Variants in GEMIN5 observed in about 807,000 individuals in gnomAD.
GEMIN5 encodes gem-associated protein 5.
In GEMIN5, 124 loss-of-function variants were observed where a neutral mutation model predicts 176.9. That is an observed-to-expected ratio of 0.70 (90% CI 0.61 to 0.81). The LOEUF is 0.81. GEMIN5 is among the 40% of genes least tolerant of loss of function. The probability of loss-of-function intolerance (pLI) is 0.00; values close to 1 mark genes in which losing one functional copy is unlikely to be tolerated. For synonymous variants in GEMIN5, 673 were observed against 665.2 expected, an observed-to-expected ratio of 1.01 and a Z score of -0.18; for missense variants, 1,843 against 1,814.6, an observed-to-expected ratio of 1.02 and a Z score of -0.28.
intron 7 of GEMIN5, among the ~76,000 whole-genome samples, chr5:154,926,458 G>C (rs1333120493): frequency 3.3e-5 from 5 of 152,028 alleles, no homozygotes; most frequent in Non-Finnish European, 4.4e-5. Context: ...CTCTCAAAAG[G>C]CAAAACACCT....
chr5:154,919,225 G>A (rs1011245139), intron 11 of GEMIN5, among the ~76,000 whole-genome samples: 24 of 151,990 alleles, frequency 1.6e-4, no homozygotes, highest in African/African-American at 5.6e-4. Context: ...CAGATACTTG[G>A]GAGGCTGAGG....
intron 1 of GEMIN5, 122 bp from the exon 2 acceptor site, chr5:154,937,307 GA>G: frequency 1.3e-6 from 1 of 782,138 alleles, no homozygotes; most frequent in African/African-American, 1.7e-5. Context: ...TGGTATAACT[GA>G]AACACCGACG....
intron 15 of GEMIN5, among the ~76,000 whole-genome samples, chr5:154,909,326 T>G (rs1338286648): frequency 6.6e-6 from 1 of 151,862 alleles, no homozygotes; most frequent in Non-Finnish European, 1.5e-5. Flanking sequence ...AGGAAGAGCT[T>G]GGCATCTAGT....
At chr5:154,892,781 C>A in intron 24 of GEMIN5, 1 of 484,134 alleles carries the variant, frequency 2.1e-6, no homozygotes, top group South Asian at 3.0e-5. Context: ...ACTGAGAAAA[C>A]ACCTTTACAT....
intron 11 of GEMIN5, 146 bp downstream of exon 11, chr5:154,919,821 T>C (rs1763885846): frequency 3.2e-6 from 2 of 631,102 alleles, no homozygotes; most frequent in African/African-American, 1.9e-5. Context: ...ACTCACAAAT[T>C]CATGCACAGC....
intron 21 of GEMIN5, among the ~76,000 whole-genome samples, chr5:154,900,071 C>T (rs769884721): frequency 3.9e-5 from 6 of 152,126 alleles, no homozygotes; most frequent in Non-Finnish European, 7.3e-5. Context: ...TGATAAAATG[C>T]GAGTTTTCTA....
In GEMIN5 at chr5:154,901,483, C is replaced by T; in HGVS notation, c.2870G>A (p.Gly957Asp). The change falls in exon 21 of 28, where the codon GGC becomes GAC. Residue 957 changes from glycine to aspartate, a missense_variant. Gly to Asp is a moderately conservative substitution (Grantham distance 94, BLOSUM62 -1). Coordinates refer to ENST00000285873, the MANE Select transcript of GEMIN5 (RefSeq NM_015465.5). Reference protein sequence around the residue: ...DNLVAMAPAAGYHVWLWAVEA... With the variant: ...DNLVAMAPAADYHVWLWAVEA... The stretch of plus-strand genomic sequence containing the variant: ...CACAGCCCATAGCCACACATGGTAG[C>T]CAGCTGAAAAAATAAAAGATGGTGG... The T allele has an allele frequency of 6.2e-7, 1 of 1,612,728 alleles. No individual in the cohort carries two copies. The highest frequency in any genetic ancestry group is 8.5e-7 in the Non-Finnish European group (1 of 1,179,540).
chr5:154,899,799 C>T (rs1413244412), intron 21 of GEMIN5, among the ~76,000 whole-genome samples: 1 of 152,106 alleles, frequency 6.6e-6, no homozygotes, highest in Non-Finnish European at 1.5e-5. Context: ...CTTTAATATT[C>T]TGTGTGACAA....
Position 154,921,359 on chromosome 5 carries a change from T to C in GEMIN5, c.1446A>G (p.Val482=), listed in dbSNP as rs1209039894. Residue 482 remains valine (V), a synonymous_variant, in exon 10 of 28, where the codon GTA becomes GTG. Transcript: ENST00000285873. ...GATACTTACCAAGTGACATGGGGGG[T>C]ACTGGTGGCCCCCAGGCTAAAGTAT... ...TVYTLAWGPP[V]PPMSLGGEGD... 2.9e-6 allele frequency: 4 copies of C among 1,399,128 alleles called. No individual in the cohort carries two copies. Among genetic ancestry groups the C allele is most frequent in the Non-Finnish European group, 4.0e-6 (4 of 991,020 alleles). The allele number at this position is 1,399,128 out of a possible 1,614,324, so 86.7% of individuals were successfully genotyped here. A position where few individuals can be genotyped will look rare whatever the true frequency, so the allele number is the denominator to read the frequency against.
chr5:154,925,093 T>A (rs1351364815), intron 8 of GEMIN5, among the ~76,000 whole-genome samples: 6 of 152,230 alleles, frequency 3.9e-5, no homozygotes, highest in African/African-American at 7.2e-5. Context: ...TTTCCAGATA[T>A]TTTTGTGAAT....
chr5:154,913,004 C>T lies in GEMIN5; in HGVS notation c.1890G>A (p.Glu630=). 4 of 1,613,728 alleles carry T rather than the reference C, an allele frequency of 2.5e-6. No homozygotes were observed. The highest frequency in any genetic ancestry group is 3.4e-6 in the Non-Finnish European group (4 of 1,179,694). Residue 630 remains glutamate, a synonymous_variant, in exon 14 of 28, where the codon GAG becomes GAA. Coordinates refer to ENST00000285873, the MANE Select transcript of GEMIN5 (RefSeq NM_015465.5). The part of the protein sequence containing the change: ...SSPESPVTIT[E]PYRTLSGHTA... ...TATGCCCTGAGAGGGTCCGGTAGGG[C>T]TCTGTAATGGTCACTGGAGACTCAG...
chr5:154,912,769 G>A, intron 14 of GEMIN5, 130 bp downstream of exon 14: 2 of 762,050 alleles, frequency 2.6e-6, no homozygotes, highest in Non-Finnish European at 4.1e-6. Flanking sequence ...GCCTCCTAGA[G>A]CCCAGAAAAT....
chr5:154,892,626 GA>G (rs1157388186), intron 24 of GEMIN5, 77 bp from the exon 25 acceptor site: 2 of 1,389,898 alleles, frequency 1.4e-6, no homozygotes, highest in East Asian at 4.7e-5. Context: ...CTGTTCCTGT[GA>G]ACCGCATTTG....
Sources: allele counts gnomAD v4.1 joint callset (sites outside exome capture counted in the v4.1 genomes callset), GRCh38; gene constraint gnomAD v4.1.1; transcripts MANE v1.5; gene names NCBI Gene and HGNC (gene_info 2026-07-23, HGNC 2026-07-21).